Variants in MBOAT2 observed in about 807,000 individuals in gnomAD.
MBOAT2 encodes membrane-bound glycerophospholipid O-acyltransferase 2.
A neutral mutation model predicts 63.4 loss-of-function variants in MBOAT2; 28 were observed. That is an observed-to-expected ratio of 0.44 (90% CI 0.33 to 0.61). MBOAT2 has a LOEUF of 0.61. MBOAT2 is among the 20% of genes least tolerant of loss of function. MBOAT2 has a pLI of 0.03. For synonymous variants in MBOAT2, 211 were observed against 215.6 expected (o/e 0.98, Z 0.19); for missense variants, 470 against 605.8 (o/e 0.78, Z 2.35).
chr2:8,885,642 A>G (rs186099315), intron 5 of MBOAT2, among the ~76,000 whole-genome samples: 1 of 152,342 alleles, frequency 6.6e-6, no homozygotes. Flanking sequence ...CCAGCAGGTT[A>G]TTTTAGTCAT....
rs1188691396 is a variant in MBOAT2 at position 8,877,318 on chromosome 2, C to T, written c.507-105G>A. 11 of 1,093,450 alleles carry T rather than the reference C, an allele frequency of 1.0e-5. No homozygotes were observed. In the African/African-American group the frequency reaches 1.3e-4, roughly 13 times the overall value. 67.7% of individuals were successfully genotyped at this position (1,093,450 alleles called of 1,614,324 possible). A position where few individuals can be genotyped will look rare whatever the true frequency, so the allele number is the denominator to read the frequency against. On this transcript the variant is annotated intron_variant, in intron 6 of 12. Coordinates refer to ENST00000305997, the MANE Select transcript of MBOAT2 (RefSeq NM_138799.4). Reference sequence around the variant, plus strand: ...CTCTCCATTTCCAAAGTAAAACAAGCTTTCATTTTCATTTGTACCCATACA... The same window carrying T: ...CTCTCCATTTCCAAAGTAAAACAAGTTTTCATTTTCATTTGTACCCATACA...
At chr2:8,905,270 T>C (rs1272782556) in intron 4 of MBOAT2, among the ~76,000 whole-genome samples, 1 of 152,106 alleles carries the variant, frequency 6.6e-6, no homozygotes, top group Non-Finnish European at 1.5e-5. Flanking sequence ...CATTCAAGGG[T>C]TCCCTGTGCT....
rs1572968804 is a variant in MBOAT2, at chr2:8,888,205, A to G, written c.396-132T>C. 1.6e-5 allele frequency: 12 copies of G among 764,536 alleles called. No individual in the cohort carries two copies. In the East Asian group the frequency reaches 3.2e-4, roughly 21 times the overall value. The allele number at this position is 764,536 out of a possible 1,614,324, so 47.4% of individuals were successfully genotyped here. The stretch of plus-strand genomic sequence containing the variant: ...AATTTTTAACATAAAAAAGACCTCC[A>G]AGGGATTTCAGCAATAACTCAGAAG... On this transcript the variant is annotated intron_variant, in intron 4 of 12. Coordinates refer to ENST00000305997, the MANE Select transcript of MBOAT2 (RefSeq NM_138799.4).
intron 1 of MBOAT2, among the ~76,000 whole-genome samples, chr2:8,982,258 A>T (rs1671247849): frequency 6.6e-6 from 1 of 152,188 alleles, no homozygotes; most frequent in East Asian, 1.9e-4. Context: ...AGATAGTCTG[A>T]GTAAGACGAG....
Position 8,853,793 on chromosome 2 carries a change from A to G in MBOAT2, c.*4886T>C, listed in dbSNP as rs1453133823. On this transcript the variant is annotated 3_prime_UTR_variant, in exon 13 of 13. Coordinates refer to ENST00000305997, the MANE Select transcript of MBOAT2 (RefSeq NM_138799.4). ...TTTATAAAAGTTGTACTTAAAGAAG[A>G]GTTATAATCAGTTTTAAAGGCAAGA... The G allele has an allele frequency of 6.6e-6, 1 of 152,212 alleles. No homozygotes were observed. Among genetic ancestry groups the G allele is most frequent in the Admixed American group, 6.5e-5 (1 of 15,276 alleles). 9.4% of individuals were successfully genotyped at this position (152,212 alleles called of 1,614,324 possible).
At chr2:8,895,445 C>G (rs1664379347) in intron 4 of MBOAT2, among the ~76,000 whole-genome samples, 1 of 152,184 alleles carries the variant, frequency 6.6e-6, no homozygotes, top group Non-Finnish European at 1.5e-5. Context: ...ATTTACAATC[C>G]TTGAGCTAGA....
chr2:8,905,651 G>A (rs952045274), intron 4 of MBOAT2, among the ~76,000 whole-genome samples: 12 of 152,092 alleles, frequency 7.9e-5, no homozygotes, highest in Admixed American at 1.3e-4. Context: ...ACCAGGGCCT[G>A]TTGTGTGGTG....
chr2:8,988,633 A>C (rs1396099638), intron 1 of MBOAT2, among the ~76,000 whole-genome samples: 1 of 152,180 alleles, frequency 6.6e-6, no homozygotes, highest in Non-Finnish European at 1.5e-5. Flanking sequence ...TATTATTTGT[A>C]AGCTTGTTTA....
intron 8 of MBOAT2, among the ~76,000 whole-genome samples, chr2:8,869,235 T>C (rs1558553908): frequency 1.4e-5 from 2 of 146,202 alleles, no homozygotes; most frequent in African/African-American, 5.1e-5. Context: ...TTTGTAGAGA[T>C]GGGGGTCCCA....
intron 1 of MBOAT2, among the ~76,000 whole-genome samples, chr2:8,968,589 G>A (rs1670189466): frequency 6.6e-6 from 1 of 152,204 alleles, no homozygotes; most frequent in Non-Finnish European, 1.5e-5. Flanking sequence ...CTGAGCTAAA[G>A]GAGGAAGTTT....
intron 1 of MBOAT2, among the ~76,000 whole-genome samples, chr2:8,996,174 A>G (rs1421851520): frequency 6.6e-6 from 1 of 152,196 alleles, no homozygotes; most frequent in African/African-American, 2.4e-5. Flanking sequence ...GCAAGGAAGT[A>G]ACTGATGAGT....
intron 3 of MBOAT2, among the ~76,000 whole-genome samples, chr2:8,915,769 C>G (rs1281005607): frequency 6.6e-6 from 1 of 152,186 alleles, no homozygotes; most frequent in African/African-American, 2.4e-5. Context: ...GAAGAATATA[C>G]ATGCAAATAA....
Position 9,003,087 on chromosome 2 carries a change from G to A in MBOAT2, c.75+453C>T, listed in dbSNP as rs888990466. Among the ~76,000 whole-genome samples the A allele has an allele frequency of 2.0e-5, 3 of 152,212 alleles. No homozygotes were observed. The highest frequency in any genetic ancestry group is 6.5e-5 in the Admixed American group (1 of 15,304). ...AGACCCATGCATCAGCCTCTCCGGG[G>A]GTCGCTCAGAGGCGCGCGCGGGGCA... is the stretch of plus-strand genomic sequence containing the variant. On this transcript the variant is annotated intron_variant, in intron 1 of 12. Coordinates refer to ENST00000305997, the MANE Select transcript of MBOAT2 (RefSeq NM_138799.4). The surrounding 1 kb of genome is among the most constrained non-coding windows in gnomAD (Gnocchi z 5.4).
intron 3 of MBOAT2, among the ~76,000 whole-genome samples, chr2:8,935,940 A>G (rs1405837504): frequency 6.6e-6 from 1 of 152,222 alleles, no homozygotes; most frequent in East Asian, 1.9e-4. Context: ...AAGAAAATAT[A>G]TTTCCCAATT....
At chr2:8,960,051 T>C (rs1341845202) in intron 1 of MBOAT2, among the ~76,000 whole-genome samples, 1 of 152,216 alleles carries the variant, frequency 6.6e-6, no homozygotes, top group Non-Finnish European at 1.5e-5. Context: ...GTACACTGTC[T>C]AAGAAACAAT....
intron 1 of MBOAT2, among the ~76,000 whole-genome samples, chr2:9,000,729 A>C (rs1386657907): frequency 1.3e-5 from 2 of 152,248 alleles, no homozygotes; most frequent in African/African-American, 2.4e-5. Flanking sequence ...GTGTGAATGC[A>C]AAGGTCCAGG....
At chr2:8,879,248 CA>C (rs1007693574) in intron 6 of MBOAT2, among the ~76,000 whole-genome samples, 14 of 152,166 alleles carry the variant, frequency 9.2e-5, no homozygotes, top group African/African-American at 3.1e-4. Context: ...CCTGCAGTCA[CA>C]AGGTTACAAA....
At chr2:8,954,621 G>A (rs377709813) in intron 2 of MBOAT2, among the ~76,000 whole-genome samples, 4 of 152,318 alleles carry the variant, frequency 2.6e-5, no homozygotes, top group African/African-American at 9.6e-5. Context: ...CATTCCAGAT[G>A]CTTGGAAATC....
intron 1 of MBOAT2, among the ~76,000 whole-genome samples, chr2:8,973,438 C>T (rs1670592996): frequency 6.6e-6 from 1 of 151,718 alleles, no homozygotes; most frequent in African/African-American, 2.4e-5. Context: ...TTAATGGGTG[C>T]AGCACACCGA....
Sources: allele counts gnomAD v4.1 joint callset (sites outside exome capture counted in the v4.1 genomes callset), GRCh38; gene constraint gnomAD v4.1.1; non-coding constraint Gnocchi (gnomAD v3.1); transcripts MANE v1.5; gene names NCBI Gene and HGNC (gene_info 2026-07-23, HGNC 2026-07-21).